CRISPLD2: variants seen among roughly 807,000 people sequenced by gnomAD.
CRISPLD2 encodes the protein cysteine-rich secretory protein LCCL domain-containing 2.
In CRISPLD2, 47 loss-of-function variants were observed where a neutral mutation model predicts 71.1. The ratio of observed to expected loss-of-function variants is 0.66; its 90% CI spans 0.52 to 0.84. The LOEUF is 0.84. CRISPLD2 is among the 40% of genes least tolerant of loss of function. CRISPLD2 has a pLI of 0.00. For missense variants in CRISPLD2, 830 were observed against 651.1 expected (o/e 1.27, Z -2.99); for synonymous variants, 317 against 250.1 (o/e 1.27, Z -2.52).
At chr16:84,828,155 A>C (rs1383600451) in intron 1 of CRISPLD2, 1 of 152,148 alleles carries the variant, frequency 6.6e-6, no homozygotes, top group Non-Finnish European at 1.5e-5. Context: ...CGCGGATGCC[A>C]CCTGTCAGTG....
At chr16:84,894,727 A>T (rs2071691260) in intron 14 of CRISPLD2, among the ~76,000 whole-genome samples, 1 of 152,200 alleles carries the variant, frequency 6.6e-6, no homozygotes, top group Non-Finnish European at 1.5e-5. Flanking sequence ...TATTATTAGA[A>T]ATAAGAAATT....
intron 13 of CRISPLD2, among the ~76,000 whole-genome samples, chr16:84,887,605 G>A (rs1030968308): frequency 3.9e-5 from 6 of 152,248 alleles, no homozygotes; most frequent in Admixed American, 6.5e-5. Context: ...GGCCGGGCGC[G>A]GCGGCTCACG....
At chr16:84,834,908 C>G (rs931923785) in intron 1 of CRISPLD2, among the ~76,000 whole-genome samples, 2 of 152,026 alleles carry the variant, frequency 1.3e-5, no homozygotes, top group African/African-American at 4.8e-5. Context: ...ACCTTAATCA[C>G]CTCCGCAAAG....
intron 9 of CRISPLD2, among the ~76,000 whole-genome samples, chr16:84,872,746 G>A (rs1389823455): frequency 6.6e-6 from 1 of 152,146 alleles, no homozygotes; most frequent in East Asian, 1.9e-4. Flanking sequence ...ACACTGGACC[G>A]AGCAGGGAGA....
chr16:84,869,113 G>C (rs1278142302), intron 8 of CRISPLD2, among the ~76,000 whole-genome samples: 1 of 152,236 alleles, frequency 6.6e-6, no homozygotes, highest in African/African-American at 2.4e-5. Context: ...CTATGGGAAT[G>C]CTGCAGGATC....
Position 84,906,431 on chromosome 16 carries a change from G to T in CRISPLD2, c.1440-157G>T, listed in dbSNP as rs182334330. On this transcript the variant is annotated intron_variant, in intron 14 of 14. Coordinates refer to ENST00000262424, the MANE Select transcript of CRISPLD2 (RefSeq NM_031476.4). ...GCCACCTGTTCTCAACTCAAGGCAG[G>T]CTCTGTGTCTGGCGGCTTCAAGGAA... 2.3e-3 allele frequency among the ~76,000 whole-genome samples: 353 copies of T among 152,290 alleles called. 1 individual carries two copies. Among genetic ancestry groups the T allele is most frequent in the Non-Finnish European group, 3.8e-3 (258 of 68,028 alleles).
intron 1 of CRISPLD2, among the ~76,000 whole-genome samples, chr16:84,823,524 C>T (rs1916278163): frequency 1.3e-5 from 2 of 152,132 alleles, no homozygotes. Context: ...GCAGGGAAGC[C>T]CTGGCATTTG....
chr16:84,869,252 C>T (rs999026902), intron 8 of CRISPLD2, among the ~76,000 whole-genome samples: 14 of 152,088 alleles, frequency 9.2e-5, no homozygotes, highest in African/African-American at 2.7e-4. Context: ...CCAAAAAGAA[C>T]GCATTTGGTT....
intron 13 of CRISPLD2, among the ~76,000 whole-genome samples, chr16:84,881,947 C>G (rs1045699158): frequency 1.3e-5 from 2 of 152,284 alleles, no homozygotes; most frequent in Admixed American, 1.3e-4. Context: ...AAGCTTATCT[C>G]CCCCCATCTT....
chr16:84,847,916 C>G (rs1916960324), intron 3 of CRISPLD2, among the ~76,000 whole-genome samples: 1 of 152,228 alleles, frequency 6.6e-6, no homozygotes, highest in Non-Finnish European at 1.5e-5. Context: ...AATGATCCCT[C>G]TGTGGACAGA....
At chr16:84,841,170 A>G (rs917224418) in intron 2 of CRISPLD2, among the ~76,000 whole-genome samples, 2 of 152,216 alleles carry the variant, frequency 1.3e-5, no homozygotes, top group Admixed American at 6.5e-5. Context: ...TAGGGGTGGA[A>G]GAATCCTGAC....
chr16:84,906,242 C>G (rs112805617), intron 14 of CRISPLD2, among the ~76,000 whole-genome samples: 3 of 152,040 alleles, frequency 2.0e-5, no homozygotes, highest in Non-Finnish European at 4.4e-5. Flanking sequence ...TCCCAAGACA[C>G]CACTGTTCGG....
chr16:84,889,813 G>A (rs1468144724), intron 14 of CRISPLD2, among the ~76,000 whole-genome samples: 3 of 149,212 alleles, frequency 2.0e-5, no homozygotes, highest in East Asian at 4.2e-4. Context: ...ACAAAAAAAT[G>A]GGATCAAATG....
chr16:84,834,841 T>C (rs1247194745), intron 1 of CRISPLD2, among the ~76,000 whole-genome samples: 2 of 152,014 alleles, frequency 1.3e-5, no homozygotes, highest in Non-Finnish European at 2.9e-5. Flanking sequence ...GGTCCTAAAC[T>C]CTTCTAGTAA....
At chr16:84,842,517 G>T (rs1916802428) in intron 2 of CRISPLD2, among the ~76,000 whole-genome samples, 1 of 151,640 alleles carries the variant, frequency 6.6e-6, no homozygotes, top group African/African-American at 2.4e-5. Context: ...GGAACGACAG[G>T]TGCGCACCAG....
chr16:84,879,664 C>CTT (rs879676500), intron 12 of CRISPLD2, among the ~76,000 whole-genome samples: 1 of 146,638 alleles, frequency 6.8e-6, no homozygotes, highest in Non-Finnish European at 1.5e-5. Flanking sequence ...ACCTGGCCTT[C>CTT]TTTTTTTTTT....
intron 7 of CRISPLD2, among the ~76,000 whole-genome samples, chr16:84,867,956 TCTGCAGGCCGGGGG>T (rs1917588035): frequency 6.6e-6 from 1 of 152,328 alleles, no homozygotes; most frequent in South Asian, 2.1e-4. Flanking sequence ...AGCCGCCGTT[TCTGCAGGCCGGGGG>T]CTGTGGAGGG....
intron 14 of CRISPLD2, among the ~76,000 whole-genome samples, chr16:84,901,787 CTTTTTTTT>C (rs760025598): frequency 9.1e-5 from 8 of 87,842 alleles, no homozygotes; most frequent in Non-Finnish European, 1.4e-4. Context: ...ACTGGTTGCA[CTTTTTTTT>C]TTTTTTTTTT....
rs544730922 is a variant in CRISPLD2, at chr16:84,880,234, T to C, written c.1230-275T>C. On this transcript the variant is annotated intron_variant, in intron 12 of 14. Transcript: ENST00000262424. ...TTCCACACTCTTCTCTCTTAGATTT[T>C]TATTCTCTTTACCTTTTTGTTTGTG... 2.5e-4 allele frequency among the ~76,000 whole-genome samples: 38 copies of C among 152,362 alleles called. No individual in the cohort carries two copies. The South Asian group carries it at 7.5e-3, about 30-fold the overall frequency.
Sources: allele counts gnomAD v4.1 joint callset (sites outside exome capture counted in the v4.1 genomes callset), GRCh38; gene constraint gnomAD v4.1.1; transcripts MANE v1.5; gene names NCBI Gene and HGNC (gene_info 2026-07-23, HGNC 2026-07-21).